The following SUGCT variants were observed in gnomAD, a reference collection of about 807,000 sequenced individuals.
The protein encoded by SUGCT is succinyl-CoA:glutarate-CoA transferase.
Under a neutral mutation model 55.0 loss-of-function variants are expected in SUGCT, and 41 were observed. The observed-to-expected ratio is 0.74, with a 90% CI of 0.58 to 0.97. The LOEUF (loss-of-function observed/expected upper bound fraction) is 0.97. Among genes scored for constraint, SUGCT ranks in the 50% least tolerant of loss-of-function variants. The pLI, the probability that SUGCT is intolerant of heterozygous loss-of-function variation, is 0.00. For synonymous variants in SUGCT, 187 were observed against 200.4 expected (o/e 0.93, Z 0.56); for missense variants, 568 against 547.8 (o/e 1.04, Z -0.37).
chr7:40,515,214 G>T (rs1793170157), intron 12 of SUGCT, among the ~76,000 whole-genome samples: 1 of 152,050 alleles, frequency 6.6e-6, no homozygotes. Flanking sequence ...CCTCATTCCT[G>T]ATCCACGGCC....
At chr7:40,356,604 A>G (rs752981684) in intron 9 of SUGCT, among the ~76,000 whole-genome samples, 2 of 152,194 alleles carry the variant, frequency 1.3e-5, no homozygotes, top group African/African-American at 2.4e-5. Context: ...ATGAATAACC[A>G]TAGGCTCTGA....
At chr7:40,388,241 T>C (rs1424042105) in intron 9 of SUGCT, 1 of 152,280 alleles carries the variant, frequency 6.6e-6, no homozygotes, top group Middle Eastern at 3.4e-3. Context: ...TGCTAAAAAA[T>C]ATGCTGTAAT....
At chr7:40,448,214 TTCCCTCCCTCCCTCCCTCCC>T (rs373133382) in intron 9 of SUGCT, among the ~76,000 whole-genome samples, 14 of 100,788 alleles carry the variant, frequency 1.4e-4, no homozygotes, top group African/African-American at 5.6e-4. Context: ...CCTCTCCCAG[TTCCCTCCCTCCCTCCCTCCC>T]TCCCTCCCTC....
chr7:40,514,124 G>A (rs780070200), intron 12 of SUGCT, among the ~76,000 whole-genome samples: 2 of 151,794 alleles, frequency 1.3e-5, no homozygotes, highest in Non-Finnish European at 2.9e-5. Flanking sequence ...TTTAGTACAA[G>A]TACAATTAAA....
chr7:40,617,482 T>C (rs887702318), intron 12 of SUGCT, among the ~76,000 whole-genome samples: 1 of 137,132 alleles, frequency 7.3e-6, no homozygotes, highest in African/African-American at 3.4e-5. Context: ...TATATGTGTG[T>C]GTGTGTGTGT....
chr7:40,899,790 A>G, the SUGCT span, among the ~76,000 whole-genome samples: 2 of 152,188 alleles, frequency 1.3e-5, no homozygotes, highest in Non-Finnish European at 2.9e-5. Context: ...TTGAAATATC[A>G]TTAAGCAGGG....
At chr7:41,006,911 C>T in the SUGCT span, among the ~76,000 whole-genome samples, 6 of 152,162 alleles carry the variant, frequency 3.9e-5, no homozygotes, top group African/African-American at 1.4e-4. Flanking sequence ...GAATAACTAT[C>T]TGAAGATTGT....
chr7:40,789,456 T>C (rs771011200), intron 13 of SUGCT, among the ~76,000 whole-genome samples: 4 of 152,204 alleles, frequency 2.6e-5, no homozygotes, highest in Non-Finnish European at 2.9e-5. Context: ...TAGCAGGTGG[T>C]AGGATGATCT....
At chr7:40,305,821 C>T (rs1401732537) in intron 8 of SUGCT, among the ~76,000 whole-genome samples, 1 of 151,956 alleles carries the variant, frequency 6.6e-6, no homozygotes, top group Admixed American at 6.6e-5. Context: ...ACCACCACGC[C>T]CAGTTAATTT....
At chr7:40,167,736 G>T (rs555514396) in intron 1 of SUGCT, among the ~76,000 whole-genome samples, 4 of 152,172 alleles carry the variant, frequency 2.6e-5, no homozygotes, top group Admixed American at 6.5e-5. Flanking sequence ...AGTCGAGAGC[G>T]GCAATGGGTG....
chr7:40,928,302 A>G, the SUGCT span, among the ~76,000 whole-genome samples: 1 of 151,972 alleles, frequency 6.6e-6, no homozygotes, highest in Non-Finnish European at 1.5e-5. Flanking sequence ...GGAACTTCTC[A>G]ATCTATTTAG....
intron 7 of SUGCT, among the ~76,000 whole-genome samples, chr7:40,245,444 TTTTTTTTTTTTTTG>T (rs1789792637): frequency 1.1e-5 from 1 of 89,708 alleles, no homozygotes; most frequent in African/African-American, 5.0e-5. Context: ...TTTTTTTTTT[TTTTTTTTTTTTTTG>T]AGATGGAGTC....
chr7:40,465,467 G>T (rs1790051195), intron 11 of SUGCT, among the ~76,000 whole-genome samples: 1 of 152,012 alleles, frequency 6.6e-6, no homozygotes, highest in South Asian at 2.1e-4. Flanking sequence ...AAAATTAGCT[G>T]GGTGTGGTGG....
the SUGCT span, among the ~76,000 whole-genome samples, chr7:41,037,972 CT>C: frequency 6.6e-6 from 1 of 152,238 alleles, no homozygotes; most frequent in East Asian, 1.9e-4. Context: ...TGTTGGGTCA[CT>C]CAGAACACAG....
chr7:40,365,013 A>G (rs1348922615), intron 9 of SUGCT, among the ~76,000 whole-genome samples: 2 of 152,174 alleles, frequency 1.3e-5, no homozygotes, highest in Non-Finnish European at 2.9e-5. Flanking sequence ...AAAATGCTCA[A>G]TAAAATACTG....
chr7:40,293,056 T>G (rs1793888184), intron 8 of SUGCT, among the ~76,000 whole-genome samples: 1 of 152,194 alleles, frequency 6.6e-6, no homozygotes, highest in Non-Finnish European at 1.5e-5. Flanking sequence ...GAGGCTGGAA[T>G]TAATGATTTG....
rs185001965 is a variant in SUGCT, at chr7:40,251,380, T to C, written c.576+13654T>C. Among the ~76,000 whole-genome samples the C allele has an allele frequency of 7.6e-4, 116 of 152,316 alleles. 1 individual carries two copies. Among genetic ancestry groups the C allele is most frequent in the Admixed American group, 2.9e-3 (45 of 15,286 alleles). On this transcript the variant is annotated intron_variant, in intron 7 of 13. Transcript: ENST00000335693. ...CTAACTCTAGTCAAGTTCCATAACA[T>C]GTAAATTCTATACTGCAACAATAAT...
intron 13 of SUGCT, among the ~76,000 whole-genome samples, chr7:40,754,706 C>A (rs1373974793): frequency 6.6e-6 from 1 of 152,190 alleles, no homozygotes; most frequent in Non-Finnish European, 1.5e-5. Context: ...GTATGCTTCA[C>A]TTTCAGTGTG....
the SUGCT span, among the ~76,000 whole-genome samples, chr7:40,956,358 G>A: frequency 1.3e-5 from 2 of 152,088 alleles, no homozygotes; most frequent in Non-Finnish European, 2.9e-5. Context: ...AGTCTTGGAA[G>A]GGTTTATGTG....
Sources: gnomAD v4.1 joint callset for allele counts (sites outside exome capture counted in the v4.1 genomes callset) on GRCh38, gnomAD v4.1.1 for gene constraint, MANE v1.5 for transcripts, NCBI Gene and HGNC (gene_info 2026-07-23, HGNC 2026-07-21) for gene names.